The following ADAMTS17 variants were observed in gnomAD, a reference collection of about 807,000 sequenced individuals.
ADAMTS17 encodes the protein A disintegrin and metalloproteinase with thrombospondin motifs 17.
A neutral mutation model predicts 141.5 loss-of-function variants in ADAMTS17; 113 were observed. That is an observed-to-expected ratio of 0.80 (90% confidence interval 0.69 to 0.93). ADAMTS17 has a LOEUF of 0.93. Ranked by LOEUF, ADAMTS17 falls within the 40% of genes least tolerant of loss-of-function variation. The pLI is 0.00. For synonymous variants in ADAMTS17, 768 were observed against 630.6 expected, an observed-to-expected ratio of 1.22 and a Z score of -3.27; for missense variants, 1,659 against 1,517.9, an observed-to-expected ratio of 1.09 and a Z score of -1.54.
intron 3 of ADAMTS17, 139 bp downstream of exon 3, chr15:100,330,750 G>T: frequency 9.4e-7 from 1 of 1,062,656 alleles, no homozygotes; most frequent in Non-Finnish European, 1.4e-6. Flanking sequence ...AAAGGAAGTG[G>T]TCTCAGGGCA....
chr15:100,144,712 T>G (rs4246301), intron 10 of ADAMTS17, among the ~76,000 whole-genome samples: 105,917 of 151,574 alleles, frequency 0.7, 38,201 homozygotes, highest in East Asian at 0.9. Flanking sequence ...GGTTCACCAA[T>G]TCTTTGAAAT....
At chr15:100,225,477 G>A (rs2042266861) in intron 7 of ADAMTS17, among the ~76,000 whole-genome samples, 2 of 151,050 alleles carry the variant, frequency 1.3e-5, no homozygotes, top group Non-Finnish European at 2.9e-5. Context: ...AGTCCTTACA[G>A]CAGTCACGGT....
intron 15 of ADAMTS17, among the ~76,000 whole-genome samples, chr15:100,060,789 G>C (rs952552740): frequency 6.6e-6 from 1 of 152,262 alleles, no homozygotes; most frequent in Non-Finnish European, 1.5e-5. Flanking sequence ...GCCAGCCAGC[G>C]TGGGCTGAAG....
At chr15:100,291,878 C>T (rs1238148542) in intron 3 of ADAMTS17, among the ~76,000 whole-genome samples, 1 of 152,260 alleles carries the variant, frequency 6.6e-6, no homozygotes, top group African/African-American at 2.4e-5. Context: ...ACCAAACCCC[C>T]ACGATGCGAT....
At chr15:100,201,258 C>T (rs1301837411) in intron 7 of ADAMTS17, among the ~76,000 whole-genome samples, 2 of 152,124 alleles carry the variant, frequency 1.3e-5, no homozygotes, top group African/African-American at 4.8e-5. Flanking sequence ...ACAGTTTCCC[C>T]CACGCCGTTC....
intron 14 of ADAMTS17, among the ~76,000 whole-genome samples, chr15:100,107,306 C>T (rs1172585216): frequency 6.6e-6 from 1 of 152,142 alleles, no homozygotes; most frequent in East Asian, 1.9e-4. Flanking sequence ...GCAAGTGGAC[C>T]TGACGCCTGG....
intron 15 of ADAMTS17, among the ~76,000 whole-genome samples, chr15:100,090,315 C>T (rs1011929671): frequency 1.1e-4 from 17 of 152,152 alleles, no homozygotes; most frequent in African/African-American, 3.1e-4. Context: ...AAACAAGATC[C>T]GCTTGTGGGG....
intron 2 of ADAMTS17, among the ~76,000 whole-genome samples, chr15:100,339,714 T>G (rs1378772941): frequency 2.0e-5 from 3 of 150,860 alleles, no homozygotes; most frequent in Non-Finnish European, 2.9e-5. Context: ...CCAGGCCCCC[T>G]CCAAGGGTCT....
At chr15:100,199,016 C>T (rs1348965718) in intron 8 of ADAMTS17, among the ~76,000 whole-genome samples, 1 of 152,208 alleles carries the variant, frequency 6.6e-6, no homozygotes, top group Non-Finnish European at 1.5e-5. Context: ...AGATCATGCT[C>T]GTCCCGGAAA....
chr15:100,073,239 C>T lies in ADAMTS17; in HGVS notation c.2138-19185G>A, dbSNP rs889273859. Among the ~76,000 whole-genome samples, 26 of 152,092 alleles carry T rather than the reference C, an allele frequency of 1.7e-4. 1 individual carries two copies. Among genetic ancestry groups the T allele is most frequent in the African/African-American group, 5.1e-4 (21 of 41,392 alleles). ...TACCATCTCACACCAGTTAGAATGG[C>T]AATCATTAAAAAGTCAGGAAACAAC... On this transcript the variant is annotated intron_variant, in intron 15 of 21. Transcript: ENST00000268070.
intron 17 of ADAMTS17, among the ~76,000 whole-genome samples, chr15:100,049,778 C>G (rs2031998583): frequency 6.6e-6 from 1 of 152,146 alleles, no homozygotes; most frequent in Non-Finnish European, 1.5e-5. Flanking sequence ...TCACAGTGGC[C>G]ATAGTGTCAA....
chr15:100,147,367 T>A (rs7169269), intron 10 of ADAMTS17, among the ~76,000 whole-genome samples: 1 of 151,534 alleles, frequency 6.6e-6, no homozygotes, highest in Non-Finnish European at 1.5e-5. Flanking sequence ...GGCAGACCTT[T>A]CATTGTGTAA....
intron 18 of ADAMTS17, among the ~76,000 whole-genome samples, chr15:100,005,946 C>A (rs1197186901): frequency 6.6e-6 from 1 of 151,840 alleles, no homozygotes; most frequent in Non-Finnish European, 1.5e-5. Flanking sequence ...GCAGAAGCAT[C>A]ACTCCAGCCC....
intron 10 of ADAMTS17, among the ~76,000 whole-genome samples, chr15:100,142,565 A>T (rs149719754): frequency 6.6e-6 from 1 of 152,260 alleles, no homozygotes; most frequent in Non-Finnish European, 1.5e-5. Flanking sequence ...GTTACTACTA[A>T]CTCTCATGTC....
intron 15 of ADAMTS17, 47 bp downstream of exon 15, chr15:100,096,309 G>T: frequency 1.2e-6 from 2 of 1,609,468 alleles, no homozygotes; most frequent in Non-Finnish European, 1.7e-6. Context: ...TGTAGGCAAA[G>T]GACACAAAAC....
chr15:100,271,549 TCTAC>T (rs79282824), intron 4 of ADAMTS17, among the ~76,000 whole-genome samples: 79,714 of 151,676 alleles, frequency 0.53, 21,736 homozygotes, highest in East Asian at 0.84. Flanking sequence ...CGTAAAAATG[TCTAC>T]CTAAGTCCTT....
chr15:99,997,405 C>T lies in ADAMTS17; in HGVS notation c.2776G>A (p.Glu926Lys). Residue 926 changes from glutamate (E) to lysine (K), a missense_variant, in exon 19 of 22, where the codon GAG becomes AAG. By Grantham distance (56) the Glu-to-Lys change is moderately conservative. Transcript: ENST00000268070. This position sits in a 1 kb window ranked among gnomAD's most constrained non-coding sequence, Gnocchi z 4.7. ...CCCACCTGTGACCACTCAGACGCCT[C>T]CCAGATGGACAGGCAGTCCTGGCCT... is the stretch of plus-strand genomic sequence containing the variant. Reference protein sequence around the residue: ...CEGQDCLSIWEASEWSQCSAS... With the variant: ...CEGQDCLSIWKASEWSQCSAS... The T allele has an allele frequency of 6.2e-7, 1 of 1,613,772 alleles. No homozygotes were observed. Among genetic ancestry groups the T allele is most frequent in the Non-Finnish European group, 8.5e-7 (1 of 1,179,996 alleles).
chr15:100,081,118 C>T (rs1324851058), intron 15 of ADAMTS17, among the ~76,000 whole-genome samples: 1 of 152,102 alleles, frequency 6.6e-6, no homozygotes, highest in Admixed American at 6.6e-5. Context: ...CTGGTGGGCA[C>T]AATCTAATCA....
At chr15:100,223,256 G>A (rs1330667269) in intron 7 of ADAMTS17, among the ~76,000 whole-genome samples, 2 of 152,222 alleles carry the variant, frequency 1.3e-5, no homozygotes, top group Non-Finnish European at 2.9e-5. Context: ...ACGTGGGGAT[G>A]TGCGCCTGGA....
Sources: allele counts gnomAD v4.1 joint callset (sites outside exome capture counted in the v4.1 genomes callset), GRCh38; gene constraint gnomAD v4.1.1; non-coding constraint Gnocchi (gnomAD v3.1); transcripts MANE v1.5; gene names NCBI Gene and HGNC (gene_info 2026-07-23, HGNC 2026-07-21).